Variants in UBAP2 observed in about 807,000 individuals in gnomAD.
UBAP2 encodes ubiquitin associated protein 2, also known as ubiquitin-associated protein 2.
UBAP2 carries 75 observed loss-of-function variants against 139.6 expected under a neutral mutation model. The ratio of observed to expected loss-of-function variants is 0.54; its 90% CI spans 0.45 to 0.65. The LOEUF (loss-of-function observed/expected upper bound fraction) is 0.65, where lower values mean the gene tolerates loss of function less well. UBAP2 is among the 30% of genes least tolerant of loss of function. The pLI, the probability that UBAP2 is intolerant of heterozygous loss-of-function variation, is 0.00. For synonymous variants in UBAP2, 526 were observed against 526.2 expected, an observed-to-expected ratio of 1.00 and a Z score of 0.01; for missense variants, 1,368 against 1,369.6, an observed-to-expected ratio of 1.00 and a Z score of 0.02.
chr9:33,991,307 A>G (rs763013075), intron 4 of UBAP2, among the ~76,000 whole-genome samples: 1 of 56,656 alleles, frequency 1.8e-5, no homozygotes, highest in Non-Finnish European at 4.1e-5. Context: ...TATCAAAAAT[A>G]ATAATAATAA....
intron 1 of UBAP2, among the ~76,000 whole-genome samples, chr9:34,032,502 T>A (rs1022113208): frequency 3.3e-5 from 5 of 152,170 alleles, no homozygotes. Context: ...CTTTGGCCAG[T>A]CAGAAGGAAG....
chr9:33,939,490 C>T (rs1312235169), intron 16 of UBAP2, among the ~76,000 whole-genome samples: 2 of 151,396 alleles, frequency 1.3e-5, no homozygotes, highest in East Asian at 2.0e-4. Context: ...TGAGCCACTG[C>T]GCCCAGATTC....
intron 13 of UBAP2, among the ~76,000 whole-genome samples, chr9:33,947,204 T>C (rs1825716130): frequency 6.6e-6 from 1 of 152,214 alleles, no homozygotes; most frequent in East Asian, 1.9e-4. Context: ...CGGAGTGGTC[T>C]CATGTACTTC....
chr9:33,999,757 G>C (rs964499329), intron 2 of UBAP2, among the ~76,000 whole-genome samples: 2 of 151,946 alleles, frequency 1.3e-5, no homozygotes, highest in Non-Finnish European at 2.9e-5. Context: ...TGTTACCCTA[G>C]CTGGAGTGCA....
At chr9:33,962,862 C>G (rs998932570) in intron 9 of UBAP2, among the ~76,000 whole-genome samples, 2 of 150,532 alleles carry the variant, frequency 1.3e-5, no homozygotes, top group Admixed American at 1.3e-4. Flanking sequence ...CCTGTAAATC[C>G]CGGCTACTTG....
At chr9:34,028,722 C>A (rs548552628) in intron 1 of UBAP2, among the ~76,000 whole-genome samples, 14 of 151,938 alleles carry the variant, frequency 9.2e-5, no homozygotes, top group South Asian at 4.2e-4. Flanking sequence ...GGACTCTTCA[C>A]CCTGGAATCT....
Position 33,922,561 on chromosome 9 carries a change from C to T in UBAP2, c.3303G>A (p.Gln1101=). ...CAGGTTTGGAGGCTTGAGACTTGGG[C>T]TGCAGGGAGCTGGGCTGGCTGCGCT... is the stretch of plus-strand genomic sequence containing the variant. The part of the protein sequence containing the change: ...SGQRSQPSSL[Q]PKSQASKPAY... The change falls in exon 29 of 29, where the codon CAG becomes CAA. Residue 1101 remains glutamine, a synonymous_variant. Coordinates refer to ENST00000379238, the MANE Select transcript of UBAP2 (RefSeq NM_001370062.2). The T allele has an allele frequency of 3.1e-6, 5 of 1,613,744 alleles. No individual in the cohort carries two copies. Among genetic ancestry groups the T allele is most frequent in the East Asian group, 2.2e-5 (1 of 44,884 alleles).
intron 3 of UBAP2, 35 bp from the exon 4 acceptor site, chr9:33,996,368 C>A: frequency 7.0e-7 from 1 of 1,437,950 alleles, no homozygotes; most frequent in Non-Finnish European, 9.7e-7. Flanking sequence ...TAGAGGCAAA[C>A]AAAAAACTGG....
intron 4 of UBAP2, among the ~76,000 whole-genome samples, chr9:33,990,473 G>GA (rs1821606518): frequency 1.3e-5 from 2 of 152,068 alleles, no homozygotes; most frequent in Admixed American, 1.3e-4. Context: ...AAATGGATAT[G>GA]AAAAAGATAT....
chr9:34,036,152 T>C (rs1826347346), intron 1 of UBAP2, among the ~76,000 whole-genome samples: 1 of 151,882 alleles, frequency 6.6e-6, no homozygotes, highest in African/African-American at 2.4e-5. Context: ...TTCACTCTTG[T>C]TGCCCAGGCT....
intron 1 of UBAP2, among the ~76,000 whole-genome samples, chr9:34,032,463 G>A (rs1825968037): frequency 6.6e-6 from 1 of 152,128 alleles, no homozygotes; most frequent in South Asian, 2.1e-4. Context: ...TCACAGGAAA[G>A]GGGATAAAGG....
At chr9:33,974,679 C>A (rs923961657) in intron 6 of UBAP2, among the ~76,000 whole-genome samples, 2 of 152,240 alleles carry the variant, frequency 1.3e-5, no homozygotes, top group South Asian at 4.2e-4. Flanking sequence ...CGGCCAGGCC[C>A]GGTGGCTCAT....
intron 5 of UBAP2, among the ~76,000 whole-genome samples, chr9:33,987,335 C>A (rs542487386): frequency 1.1e-4 from 16 of 152,176 alleles, no homozygotes; most frequent in African/African-American, 3.6e-4. Context: ...TTGCTTGGAC[C>A]CAACAGGCGG....
At chr9:34,039,381 T>C (rs1826825882) in intron 1 of UBAP2, among the ~76,000 whole-genome samples, 1 of 152,176 alleles carries the variant, frequency 6.6e-6, no homozygotes, top group Admixed American at 6.6e-5. Context: ...GAACGGGCCA[T>C]GATGACGATG....
chr9:33,967,095 T>C (rs1827525362), intron 8 of UBAP2, among the ~76,000 whole-genome samples: 1 of 152,362 alleles, frequency 6.6e-6, no homozygotes, highest in Admixed American at 6.5e-5. Flanking sequence ...ATATCTTACA[T>C]ATCATTAGAC....
At chr9:33,934,466 C>G (rs548446026) in intron 17 of UBAP2, 1 of 155,810 alleles carries the variant, frequency 6.4e-6, no homozygotes, top group South Asian at 2.0e-4. Flanking sequence ...CAAACATAAG[C>G]AATGAAAGGG....
intron 4 of UBAP2, among the ~76,000 whole-genome samples, chr9:33,993,131 T>C (rs760466629): frequency 8.5e-5 from 13 of 152,342 alleles, no homozygotes; most frequent in Non-Finnish European, 1.8e-4. Flanking sequence ...TTGTGACAGA[T>C]ATACTTACAT....
At chr9:33,992,069 T>G (rs1821754911) in intron 4 of UBAP2, among the ~76,000 whole-genome samples, 1 of 152,020 alleles carries the variant, frequency 6.6e-6, no homozygotes, top group Non-Finnish European at 1.5e-5. Context: ...CTGGCCAACA[T>G]GGTGAAACCC....
intron 12 of UBAP2, among the ~76,000 whole-genome samples, chr9:33,952,294 A>G (rs1587551314): frequency 6.6e-6 from 1 of 152,322 alleles, no homozygotes; most frequent in East Asian, 1.9e-4. Flanking sequence ...TTCTAAAGCA[A>G]CATTCTTGTA....
Sources: allele counts gnomAD v4.1 joint callset (sites outside exome capture counted in the v4.1 genomes callset), GRCh38; gene constraint gnomAD v4.1.1; transcripts MANE v1.5; gene names NCBI Gene and HGNC (gene_info 2026-07-23, HGNC 2026-07-21).